PLCH1: variants seen among roughly 807,000 people sequenced by gnomAD.
PLCH1 encodes 1-phosphatidylinositol 4,5-bisphosphate phosphodiesterase eta-1.
In PLCH1, 60 loss-of-function variants were observed where a neutral mutation model predicts 126.7. The observed-to-expected ratio is 0.47, with a 90% CI of 0.38 to 0.59. The LOEUF (loss-of-function observed/expected upper bound fraction) is 0.59, where lower values mean the gene tolerates loss of function less well. PLCH1 is among the 20% of genes least tolerant of loss of function. The probability of loss-of-function intolerance (pLI) is 0.00; values close to 1 mark genes in which losing one functional copy is unlikely to be tolerated. For missense variants in PLCH1, 1,723 were observed against 2,040.0 expected (o/e 0.84, Z 2.99); for synonymous variants, 719 against 734.9 (o/e 0.98, Z 0.35).
intron 21 of PLCH1, among the ~76,000 whole-genome samples, chr3:155,466,978 A>G (rs1456538661): frequency 6.6e-6 from 1 of 152,176 alleles, no homozygotes; most frequent in African/African-American, 2.4e-5. Flanking sequence ...AAAACAATGA[A>G]GAATGCCTAC....
intron 6 of PLCH1, among the ~76,000 whole-genome samples, chr3:155,582,616 C>T (rs1487871327): frequency 6.6e-6 from 1 of 152,076 alleles, no homozygotes; most frequent in Non-Finnish European, 1.5e-5. Context: ...TTCAACAGAG[C>T]TAAATGCCGC....
chr3:155,601,075 C>T (rs898856829), intron 2 of PLCH1, among the ~76,000 whole-genome samples: 3 of 152,100 alleles, frequency 2.0e-5, no homozygotes, highest in African/African-American at 4.8e-5. Flanking sequence ...CCCGGGTTCA[C>T]GCCATTCTCC....
chr3:155,562,325 G>A (rs1410700229), intron 8 of PLCH1, among the ~76,000 whole-genome samples: 1 of 152,132 alleles, frequency 6.6e-6, no homozygotes, highest in African/African-American at 2.4e-5. Context: ...TTCTTAAAGT[G>A]TGATGACAAC....
intron 22 of PLCH1, chr3:155,483,333 T>A (rs1211517991): frequency 6.6e-7 from 1 of 1,518,294 alleles, no homozygotes; most frequent in Admixed American, 2.0e-5. Flanking sequence ...TACCATACTT[T>A]TACAGTGAGG....
chr3:155,709,419 T>C (rs993846942), intron 1 of PLCH1, among the ~76,000 whole-genome samples: 2 of 152,226 alleles, frequency 1.3e-5, no homozygotes, highest in African/African-American at 2.4e-5. Context: ...TAAATGATAG[T>C]TCCTGTTGCT....
intron 6 of PLCH1, among the ~76,000 whole-genome samples, chr3:155,572,570 T>C (rs796161579): frequency 6.6e-5 from 10 of 152,350 alleles, no homozygotes; most frequent in African/African-American, 2.4e-4. Flanking sequence ...CTAGAGAATC[T>C]TACCTTTCCA....
At chr3:155,713,544 G>A (rs1345183642) in intron 1 of PLCH1, among the ~76,000 whole-genome samples, 1 of 152,206 alleles carries the variant, frequency 6.6e-6, no homozygotes, top group Non-Finnish European at 1.5e-5. Flanking sequence ...TTTGGAGAAT[G>A]TTGGAATGGG....
intron 21 of PLCH1, among the ~76,000 whole-genome samples, chr3:155,458,076 T>C (rs1013263839): frequency 3.3e-5 from 5 of 152,130 alleles, no homozygotes; most frequent in African/African-American, 4.8e-5. Context: ...GGACAGTGTC[T>C]CATGCCTGTA....
At chr3:155,623,552 G>A (rs1305850237) in intron 2 of PLCH1, among the ~76,000 whole-genome samples, 3 of 151,944 alleles carry the variant, frequency 2.0e-5, no homozygotes, top group Admixed American at 6.6e-5. Flanking sequence ...TCAAATAGAC[G>A]TAATAAAAAA....
intron 15 of PLCH1, among the ~76,000 whole-genome samples, chr3:155,494,983 A>G (rs974520966): frequency 6.6e-6 from 1 of 152,224 alleles, no homozygotes; most frequent in Admixed American, 6.5e-5. Flanking sequence ...ATGTATTACT[A>G]GTAACATCCA....
chr3:155,731,458 C>A (rs1009871529), intron 1 of PLCH1, among the ~76,000 whole-genome samples: 2 of 152,194 alleles, frequency 1.3e-5, no homozygotes, highest in African/African-American at 4.8e-5. Flanking sequence ...TGGCTCAACC[C>A]TGAAGATTCA....
intron 4 of PLCH1, among the ~76,000 whole-genome samples, chr3:155,587,173 C>T (rs1472955837): frequency 6.6e-6 from 1 of 152,164 alleles, no homozygotes; most frequent in East Asian, 1.9e-4. Context: ...AGGAATGGCC[C>T]AGTATTACAT....
At chr3:155,474,627 C>T (rs1439277070) in intron 21 of PLCH1, among the ~76,000 whole-genome samples, 3 of 116,458 alleles carry the variant, frequency 2.6e-5, no homozygotes, top group East Asian at 2.6e-4. Flanking sequence ...CACATGCACA[C>T]GTATGTTTAT....
intron 1 of PLCH1, among the ~76,000 whole-genome samples, chr3:155,720,844 TAA>T (rs1430382852): frequency 2.0e-5 from 3 of 152,240 alleles, no homozygotes; most frequent in African/African-American, 7.2e-5. Context: ...CCAGAATTTG[TAA>T]AGTTTCAGGT....
At chr3:155,722,098 TGAG>T (rs900051363) in intron 1 of PLCH1, among the ~76,000 whole-genome samples, 5 of 152,126 alleles carry the variant, frequency 3.3e-5, no homozygotes, top group African/African-American at 1.2e-4. Flanking sequence ...GTTCCCATTC[TGAG>T]GAGGAAGGCT....
At chr3:155,558,862 CA>C (rs775104276) in intron 8 of PLCH1, among the ~76,000 whole-genome samples, 15 of 152,266 alleles carry the variant, frequency 9.9e-5, no homozygotes, top group African/African-American at 3.4e-4. Context: ...GCCCAAGCTT[CA>C]AATGTGGACT....
intron 1 of PLCH1, among the ~76,000 whole-genome samples, chr3:155,706,215 C>T (rs1375046430): frequency 6.8e-6 from 1 of 146,864 alleles, no homozygotes; most frequent in Non-Finnish European, 1.5e-5. Flanking sequence ...TGGCCAGGTG[C>T]AGTGGCTCAC....
At chr3:155,613,800 C>T (rs1467235750) in intron 2 of PLCH1, among the ~76,000 whole-genome samples, 2 of 127,356 alleles carry the variant, frequency 1.6e-5, no homozygotes, top group African/African-American at 7.3e-5. Context: ...AAGTCCTAGT[C>T]AGAGCAATCA....
At chr3:155,661,682 C>T (rs570495538) in intron 2 of PLCH1, among the ~76,000 whole-genome samples, 1 of 152,154 alleles carries the variant, frequency 6.6e-6, no homozygotes, top group African/African-American at 2.4e-5. Context: ...GTCTCTCCCC[C>T]TTTCCTCTCT....
Sources: gnomAD v4.1 joint callset for allele counts (sites outside exome capture counted in the v4.1 genomes callset) on GRCh38, gnomAD v4.1.1 for gene constraint, MANE v1.5 for transcripts, NCBI Gene and HGNC (gene_info 2026-07-23, HGNC 2026-07-21) for gene names.